BTRC: variants seen among roughly 807,000 people sequenced by gnomAD.
BTRC encodes the protein F-box/WD repeat-containing protein 1A.
Under a neutral mutation model 85.5 loss-of-function variants are expected in BTRC, and 42 were observed. The observed-to-expected ratio is 0.49, with a 90% CI of 0.38 to 0.64. BTRC has a LOEUF of 0.64. BTRC is among the 30% of genes least tolerant of loss of function. BTRC has a pLI of 0.00. For synonymous variants in BTRC, 255 were observed against 263.3 expected (o/e 0.97, Z 0.30); for missense variants, 594 against 743.5 (o/e 0.80, Z 2.34).
chr10:101,485,991 A>G (rs1480586807), intron 4 of BTRC, among the ~76,000 whole-genome samples: 1 of 152,228 alleles, frequency 6.6e-6, no homozygotes, highest in Non-Finnish European at 1.5e-5. Flanking sequence ...TTGGCTCTGT[A>G]CTTAATGCAC....
intron 1 of BTRC, among the ~76,000 whole-genome samples, chr10:101,394,708 GAGA>G (rs1336739899): frequency 6.6e-6 from 1 of 152,152 alleles, no homozygotes; most frequent in Non-Finnish European, 1.5e-5. Context: ...TAACACTCTT[GAGA>G]AGAGTGATAA....
rs59998718 is a variant in BTRC, at chr10:101,508,913, T to TAAAAAAAAAAAAAAA, written c.325-12717_325-12703dup. Among the ~76,000 whole-genome samples the TAAAAAAAAAAAAAAA allele has an allele frequency of 5.7e-3, 576 of 101,866 alleles. 2 individuals carry two copies. The highest frequency in any genetic ancestry group is 7.2e-3 in the Non-Finnish European group (365 of 50,972). 66.8% of individuals were successfully genotyped at this position (101,866 alleles called of 152,430 possible). ...TGGGCAACAATGCAAGACTCCATCT[T>TAAAAAAAAAAAAAAA]AAAAAAAAAAAAAAAAAAAAAAACT... On this transcript the variant is annotated intron_variant, in intron 4 of 14. Coordinates refer to ENST00000370187, the MANE Select transcript of BTRC (RefSeq NM_033637.4).
intron 2 of BTRC, among the ~76,000 whole-genome samples, chr10:101,443,812 G>A (rs1283262105): frequency 1.3e-5 from 2 of 152,124 alleles, no homozygotes; most frequent in Non-Finnish European, 2.9e-5. Context: ...ACATCAAGTA[G>A]ATGTAAGGCT....
intron 4 of BTRC, among the ~76,000 whole-genome samples, chr10:101,498,310 C>T (rs975457960): frequency 2.6e-5 from 4 of 151,986 alleles, no homozygotes; most frequent in Admixed American, 1.3e-4. Flanking sequence ...TGTGCCACCA[C>T]GCACAGCTAA....
chr10:101,486,562 A>G (rs924624436), intron 4 of BTRC, among the ~76,000 whole-genome samples: 1 of 152,178 alleles, frequency 6.6e-6, no homozygotes, highest in Non-Finnish European at 1.5e-5. Context: ...TCCTCCTAAT[A>G]CTAAAGAGGG....
chr10:101,491,653 C>CGAT (rs1393111718), intron 4 of BTRC, among the ~76,000 whole-genome samples: 1 of 151,616 alleles, frequency 6.6e-6, no homozygotes. Context: ...GCCAAGATCG[C>CGAT]GCCTCTGCAC....
At chr10:101,488,936 T>C (rs1277401087) in intron 4 of BTRC, among the ~76,000 whole-genome samples, 1 of 152,142 alleles carries the variant, frequency 6.6e-6, no homozygotes, top group East Asian at 1.9e-4. Flanking sequence ...GTAGATTATA[T>C]GTATCATAAT....
In BTRC at chr10:101,549,875, C is replaced by A. The variant is rs1369742132; in HGVS notation, c.1657-824C>A. Among the ~76,000 whole-genome samples the A allele has an allele frequency of 3.9e-5, 6 of 152,018 alleles. No homozygotes were observed. In the East Asian group the frequency reaches 1.2e-3, roughly 29 times the overall value. On this transcript the variant is annotated intron_variant, in intron 13 of 14. Coordinates refer to ENST00000370187, the MANE Select transcript of BTRC (RefSeq NM_033637.4). ...GTGTGCTAGAACAGGCTCATACTCA[C>A]TTATGAGAGCCAACTATTAGATATT...
chr10:101,496,142 C>T (rs910569564), intron 4 of BTRC, among the ~76,000 whole-genome samples: 3 of 151,746 alleles, frequency 2.0e-5, no homozygotes, highest in Admixed American at 1.3e-4. Context: ...ATCCATTTTA[C>T]TATAAGTGAA....
intron 1 of BTRC, among the ~76,000 whole-genome samples, chr10:101,359,913 TTTCTAAATTTATGTTTATAGTAGA>T (rs1942153056): frequency 6.6e-6 from 1 of 152,130 alleles, no homozygotes; most frequent in Non-Finnish European, 1.5e-5. Context: ...TTTTGCTAAT[TTTCTAAATTTATGTTTATAGTAGA>T]TTTTCATAAA....
At chr10:101,373,199 G>C (rs1230473643) in intron 1 of BTRC, among the ~76,000 whole-genome samples, 1 of 152,172 alleles carries the variant, frequency 6.6e-6, no homozygotes, top group Admixed American at 6.5e-5. Context: ...ACTTTTTCCT[G>C]AAAGATCTGT....
chr10:101,456,319 A>G (rs1945082329), intron 2 of BTRC, among the ~76,000 whole-genome samples: 1 of 152,312 alleles, frequency 6.6e-6, no homozygotes, highest in Non-Finnish European at 1.5e-5. Flanking sequence ...AGCAGTGGAA[A>G]TGCAAAAGTA....
Position 101,414,682 on chromosome 10 carries a change from G to A in BTRC, c.49-15663G>A, listed in dbSNP as rs374423939. 85 of 516,976 alleles carry A rather than the reference G, an allele frequency of 1.6e-4. 1 individual carries two copies. Among genetic ancestry groups the A allele is most frequent in the East Asian group, 1.4e-3 (26 of 18,208 alleles). The allele number at this position is 516,976 out of a possible 1,614,324, so 32.0% of individuals were successfully genotyped here. A position where few individuals can be genotyped will look rare whatever the true frequency, so the allele number is the denominator to read the frequency against. On this transcript the variant is annotated intron_variant, in intron 1 of 14. Coordinates refer to ENST00000370187, the MANE Select transcript of BTRC (RefSeq NM_033637.4). Reference sequence around the variant, plus strand: ...CCTTCCAGTGCCATAAGCTATGAAGGTAGAAGACAGTGATATTGATGATCC... The same window carrying A: ...CCTTCCAGTGCCATAAGCTATGAAGATAGAAGACAGTGATATTGATGATCC...
chr10:101,496,055 A>G (rs1946252021), intron 4 of BTRC, among the ~76,000 whole-genome samples: 2 of 151,104 alleles, frequency 1.3e-5, no homozygotes, highest in South Asian at 4.2e-4. Flanking sequence ...TTTGAGAGTC[A>G]TTTATATTGT....
chr10:101,478,854 G>A (rs1481069817), intron 3 of BTRC, among the ~76,000 whole-genome samples: 5 of 149,160 alleles, frequency 3.4e-5, no homozygotes, highest in African/African-American at 4.9e-5. Context: ...CAGGAGAATC[G>A]CTTGAACCCC....
chr10:101,453,711 T>C (rs935023276), intron 2 of BTRC, among the ~76,000 whole-genome samples: 5 of 152,216 alleles, frequency 3.3e-5, no homozygotes, highest in African/African-American at 1.2e-4. Context: ...TACTAGGTCA[T>C]GGGGAATATT....
intron 4 of BTRC, among the ~76,000 whole-genome samples, chr10:101,500,370 G>A (rs1333685619): frequency 6.6e-6 from 1 of 152,096 alleles, no homozygotes; most frequent in Non-Finnish European, 1.5e-5. Context: ...TATAATCTTA[G>A]GGACCGTAGT....
At chr10:101,520,994 C>T (rs1236294220) in intron 4 of BTRC, among the ~76,000 whole-genome samples, 1 of 151,140 alleles carries the variant, frequency 6.6e-6, no homozygotes, top group Admixed American at 6.6e-5. Context: ...TGACGGAGCA[C>T]AATAGCTCAC....
intron 1 of BTRC, among the ~76,000 whole-genome samples, chr10:101,378,806 T>G (rs1942857518): frequency 6.6e-6 from 1 of 152,160 alleles, no homozygotes; most frequent in Non-Finnish European, 1.5e-5. Flanking sequence ...ATTGAACCAC[T>G]GTGCCCAGCC....
Sources: gnomAD v4.1 joint callset for allele counts (sites outside exome capture counted in the v4.1 genomes callset) on GRCh38, gnomAD v4.1.1 for gene constraint, MANE v1.5 for transcripts, NCBI Gene and HGNC (gene_info 2026-07-23, HGNC 2026-07-21) for gene names.